The following TBCK variants were observed in gnomAD, a reference collection of about 807,000 sequenced individuals.
TBCK encodes TBC domain-containing protein kinase-like protein.
TBCK carries 99 observed loss-of-function variants against 113.4 expected under a neutral mutation model. The observed-to-expected ratio is 0.87, with a 90% confidence interval of 0.74 to 1.03. TBCK has a LOEUF of 1.03. Among genes scored for constraint, TBCK ranks in the 50% least tolerant of loss-of-function variants. The pLI, the probability that TBCK is intolerant of heterozygous loss-of-function variation, is 0.00. For missense variants in TBCK, 1,045 were observed against 1,061.3 expected, an observed-to-expected ratio of 0.98 and a Z score of 0.21; for synonymous variants, 369 against 370.8, an observed-to-expected ratio of 1.00 and a Z score of 0.05.
chr4:106,053,904 C>T (rs374833017), intron 25 of TBCK, among the ~76,000 whole-genome samples: 40 of 151,708 alleles, frequency 2.6e-4, no homozygotes, highest in African/African-American at 8.9e-4. Context: ...ACTTTCAAAA[C>T]ATATTCAGAA....
At position 106,212,838 on chromosome 4, in the gene TBCK, G is replaced by A; in HGVS notation, c.1775-3C>T. 6.2e-7 allele frequency: 1 copy of A among 1,600,796 alleles called. No homozygotes were observed. The highest frequency in any genetic ancestry group is 1.3e-5 in the African/African-American group (1 of 74,674). On this transcript the variant is annotated splice_region_variant and splice_polypyrimidine_tract_variant and intron_variant, in intron 19 of 25. Transcript: ENST00000394708. ...CTGAGAGAAGACAGTCAGATACTCT[G>A]AAATTACAAAGTTTGAGACAATCAT...
chr4:106,263,282 T>C (rs1337891380), intron 3 of TBCK, among the ~76,000 whole-genome samples: 1 of 151,728 alleles, frequency 6.6e-6, no homozygotes, highest in Non-Finnish European at 1.5e-5. Flanking sequence ...TAAAAAATAT[T>C]CAATCCACAA....
At chr4:106,082,322 GAACTA>G (rs1489334314) in intron 25 of TBCK, among the ~76,000 whole-genome samples, 1 of 152,160 alleles carries the variant, frequency 6.6e-6, no homozygotes, top group African/African-American at 2.4e-5. Flanking sequence ...TATCCTAAGT[GAACTA>G]ATGCAGGAAC....
At chr4:106,103,675 A>G (rs1281262861) in intron 24 of TBCK, among the ~76,000 whole-genome samples, 1 of 152,220 alleles carries the variant, frequency 6.6e-6, no homozygotes, top group Non-Finnish European at 1.5e-5. Context: ...TGCTATTATT[A>G]GAAGTCAATT....
intron 23 of TBCK, among the ~76,000 whole-genome samples, chr4:106,153,454 C>T (rs577157770): frequency 9.2e-5 from 14 of 151,918 alleles, no homozygotes; most frequent in South Asian, 2.1e-4. Flanking sequence ...TTAAGATTTG[C>T]TTTGTCTTAA....
At chr4:106,219,901 A>T (rs1326666875) in intron 19 of TBCK, among the ~76,000 whole-genome samples, 1 of 152,184 alleles carries the variant, frequency 6.6e-6, no homozygotes, top group Admixed American at 6.5e-5. Flanking sequence ...TCCTACAGTA[A>T]AGTAACATCT....
chr4:106,128,180 T>C (rs1025565804), intron 23 of TBCK, among the ~76,000 whole-genome samples: 5 of 152,302 alleles, frequency 3.3e-5, no homozygotes, highest in African/African-American at 7.2e-5. Flanking sequence ...GATACAAATA[T>C]GTAATCAACA....
intron 25 of TBCK, among the ~76,000 whole-genome samples, chr4:106,074,974 T>C (rs1270649009): frequency 6.6e-6 from 1 of 152,148 alleles, no homozygotes; most frequent in African/African-American, 2.4e-5. Flanking sequence ...GGTTAACAAC[T>C]GGAAGCCAGG....
chr4:106,250,421 A>G lies in TBCK; in HGVS notation c.655T>C (p.Leu219=). Residue 219 remains leucine, a synonymous_variant, in exon 7 of 26, where the codon TTG becomes CTG. Transcript: ENST00000394708. Reference sequence around the variant, plus strand: ...TAAGCAATTGTACGACACTTACCCAAAGTAAGCAAAAATTTTAGTCTTTCA... The same window carrying G: ...TAAGCAATTGTACGACACTTACCCAGAGTAAGCAAAAATTTTAGTCTTTCA... ...ISERLKFLLT[L]DCVDDTLIVL... is the part of the protein sequence containing the mutation. The G allele has an allele frequency of 1.3e-6, 2 of 1,562,996 alleles. No individual in the cohort carries two copies. Among genetic ancestry groups the G allele is most frequent in the Non-Finnish European group, 1.7e-6 (2 of 1,143,298 alleles).
At chr4:106,170,596 TATG>T (rs1387697968) in intron 23 of TBCK, among the ~76,000 whole-genome samples, 2 of 152,116 alleles carry the variant, frequency 1.3e-5, no homozygotes, top group South Asian at 4.1e-4. Context: ...ATTATGATAC[TATG>T]ATAATATTAG....
intron 25 of TBCK, 56 bp from the exon 26 acceptor site, chr4:106,046,736 T>G: frequency 1.2e-6 from 1 of 800,564 alleles, no homozygotes; most frequent in Non-Finnish European, 2.0e-6. Context: ...ATCTCCAACC[T>G]CATGTTTTTT....
chr4:106,193,453 A>C (rs368392415), intron 22 of TBCK, among the ~76,000 whole-genome samples, 156 bp downstream of exon 22: 1 of 152,140 alleles, frequency 6.6e-6, no homozygotes, highest in South Asian at 2.1e-4. Context: ...TCAGCAGAAG[A>C]AGCAGTATAT....
At chr4:106,104,496 T>C (rs1207372680) in intron 24 of TBCK, among the ~76,000 whole-genome samples, 1 of 152,146 alleles carries the variant, frequency 6.6e-6, no homozygotes, top group Non-Finnish European at 1.5e-5. Flanking sequence ...TTTAAGCAGG[T>C]TCTGATCCTG....
chr4:106,125,954 A>G (rs909409515), intron 23 of TBCK, among the ~76,000 whole-genome samples: 1 of 152,254 alleles, frequency 6.6e-6, no homozygotes, highest in Non-Finnish European at 1.5e-5. Context: ...ATCTATATAA[A>G]GTATTTAGAA....
At chr4:106,161,827 G>T (rs1387435086) in intron 23 of TBCK, among the ~76,000 whole-genome samples, 1 of 151,924 alleles carries the variant, frequency 6.6e-6, no homozygotes, top group Non-Finnish European at 1.5e-5. Flanking sequence ...GTAACTGTAG[G>T]ATGCAAGTAT....
chr4:106,259,663 A>T (rs1762319418), intron 5 of TBCK, among the ~76,000 whole-genome samples: 1 of 151,996 alleles, frequency 6.6e-6, no homozygotes, highest in South Asian at 2.1e-4. Context: ...GAGAAAAAGC[A>T]AATGTAGTGA....
At chr4:106,121,847 C>T (rs1304635486) in intron 23 of TBCK, among the ~76,000 whole-genome samples, 2 of 151,914 alleles carry the variant, frequency 1.3e-5, no homozygotes, top group African/African-American at 4.8e-5. Context: ...ACACAACATA[C>T]CAGAATCTCT....
rs755840392 is a variant in TBCK, at chr4:106,308,851, T to C, written c.110A>G (p.Lys37Arg). The change falls in exon 2 of 26, where the codon AAA becomes AGA. Residue 37 changes from lysine (K) to arginine (R), a missense_variant. Physicochemically the swap from Lys to Arg is conservative, Grantham distance 26. Coordinates refer to ENST00000394708, the MANE Select transcript of TBCK (RefSeq NM_001163435.3). ...AAGGATTTGAAAGCGCCCTAAAATT[T>C]TGATGGAATTTGGTGTGAGAGGAAG... ...NGLPLTPNSI[K>R]ILGRFQILKT... 12 of 1,614,070 alleles carry C rather than the reference T, an allele frequency of 7.4e-6. No individual in the cohort carries two copies. The highest frequency in any genetic ancestry group is 1.7e-5 in the Admixed American group (1 of 60,006).
chr4:106,128,812 G>T (rs1745530574), intron 23 of TBCK, among the ~76,000 whole-genome samples: 1 of 151,920 alleles, frequency 6.6e-6, no homozygotes. Flanking sequence ...AAAATGCCAA[G>T]AAAATATTGG....
Sources: allele counts gnomAD v4.1 joint callset (sites outside exome capture counted in the v4.1 genomes callset), GRCh38; gene constraint gnomAD v4.1.1; transcripts MANE v1.5; gene names NCBI Gene and HGNC (gene_info 2026-07-23, HGNC 2026-07-21).